The following MTA3 variants were observed in gnomAD, a reference collection of about 807,000 sequenced individuals.
The protein encoded by MTA3 is metastasis associated 1 family member 3.
In MTA3, 34 loss-of-function variants were observed where a neutral mutation model predicts 83.5. That is an observed-to-expected ratio of 0.41 (90% confidence interval 0.31 to 0.54). The LOEUF (loss-of-function observed/expected upper bound fraction) is 0.54, where lower values mean the gene tolerates loss of function less well. Among genes scored for constraint, MTA3 ranks in the 20% least tolerant of loss-of-function variants. The pLI is 0.33. For missense variants in MTA3, 761 were observed against 726.4 expected (o/e 1.05, Z -0.55); for synonymous variants, 303 against 252.7 (o/e 1.20, Z -1.89).
intron 15 of MTA3, among the ~76,000 whole-genome samples, chr2:42,721,591 AG>A (rs2104539794): frequency 6.6e-6 from 1 of 152,294 alleles, no homozygotes; most frequent in Non-Finnish European, 1.5e-5. Flanking sequence ...GGCCTCCCAA[AG>A]TACTGGGATT....
chr2:42,719,273 T>C, intron 15 of MTA3, among the ~76,000 whole-genome samples, 199 bp downstream of exon 15: 1 of 152,224 alleles, frequency 6.6e-6, no homozygotes. Context: ...CACACACAGA[T>C]TTATGATATA....
At chr2:42,580,097 C>T (rs1006917473) in intron 3 of MTA3, among the ~76,000 whole-genome samples, 34 of 151,994 alleles carry the variant, frequency 2.2e-4, no homozygotes, top group Non-Finnish European at 8.8e-5. Flanking sequence ...GTGTGCACCA[C>T]GACACCAGGC....
chr2:42,739,445 TAA>T (rs60704945), intron 16 of MTA3, among the ~76,000 whole-genome samples: 7 of 138,520 alleles, frequency 5.1e-5, no homozygotes, highest in Non-Finnish European at 3.2e-5. Flanking sequence ...ACTTTATTGC[TAA>T]AAAAAAAAAA....
chr2:42,626,628 T>G (rs781395185), intron 4 of MTA3, among the ~76,000 whole-genome samples: 1 of 152,156 alleles, frequency 6.6e-6, no homozygotes, highest in Non-Finnish European at 1.5e-5. Context: ...TGACTTTGTC[T>G]TCAGGCAGTT....
At position 42,722,895 on chromosome 2, in the gene MTA3, A is replaced by G. The variant is rs1290625227; in HGVS notation, c.1619A>G (p.His540Arg). 1.9e-6 allele frequency: 3 copies of G among 1,550,920 alleles called. No homozygotes were observed. Among genetic ancestry groups the G allele is most frequent in the Non-Finnish European group, 2.6e-6 (3 of 1,147,022 alleles). Residue 540 changes from histidine to arginine, a missense_variant, in exon 16 of 17, where the codon CAT (histidine) becomes CGT (arginine). Transcript: ENST00000405094. The stretch of plus-strand genomic sequence containing the variant: ...ACCTTTTTTCCCCCATCAGAGATCC[A>G]TCCTGCAAAGAAACCTAATGTAATT... ...LACIIGYLEIHPAKKPNVIRS... is the reference protein window; with the variant it reads ...LACIIGYLEIRPAKKPNVIRS...
chr2:42,502,794 T>G (rs1325304600), intron 2 of MTA3, among the ~76,000 whole-genome samples: 1 of 29,062 alleles, frequency 3.4e-5, no homozygotes, highest in Non-Finnish European at 6.4e-5. Flanking sequence ...CAAAACTCTG[T>G]CTCAAAAAAA....
intron 2 of MTA3, among the ~76,000 whole-genome samples, chr2:42,522,566 C>T (rs745452962): frequency 6.6e-5 from 10 of 152,016 alleles, no homozygotes; most frequent in South Asian, 2.1e-4. Context: ...GAGGCTAAAA[C>T]GGGAGAATTG....
rs550159589 is a variant in MTA3 at position 42,505,129 on chromosome 2, C to T, written c.-141+9875C>T. 1.4e-3 allele frequency among the ~76,000 whole-genome samples: 211 copies of T among 152,270 alleles called. 2 individuals carry two copies. The highest frequency in any genetic ancestry group is 4.8e-3 in the African/African-American group (199 of 41,562). ...TGAGATGGGGTGGGACGTGGTGACTCATGACTGTAATCCCATCACTTTGGG... is the reference window on the plus strand; with the variant it reads ...TGAGATGGGGTGGGACGTGGTGACTTATGACTGTAATCCCATCACTTTGGG... On this transcript the variant is annotated intron_variant, in intron 2 of 17. Coordinates refer to the MTA3 transcript ENST00000405592.
chr2:42,581,473 A>T (rs573321672), intron 3 of MTA3, among the ~76,000 whole-genome samples: 1 of 151,060 alleles, frequency 6.6e-6, no homozygotes, highest in South Asian at 2.1e-4. Context: ...CCTTGGCTCA[A>T]AGGATCTTCC....
At chr2:42,571,549 A>T (rs761922096) in intron 2 of MTA3, among the ~76,000 whole-genome samples, 5 of 152,166 alleles carry the variant, frequency 3.3e-5, no homozygotes, top group Non-Finnish European at 7.4e-5. Flanking sequence ...TGTAACTCAG[A>T]CCCTTTTTAT....
At chr2:42,633,601 C>G (rs534140835) in intron 4 of MTA3, among the ~76,000 whole-genome samples, 1 of 148,966 alleles carries the variant, frequency 6.7e-6, no homozygotes, top group South Asian at 2.2e-4. Flanking sequence ...CATTAAAAAT[C>G]ATATTCTTGG....
At chr2:42,729,013 C>G (rs1458795424) in intron 16 of MTA3, among the ~76,000 whole-genome samples, 3 of 148,076 alleles carry the variant, frequency 2.0e-5, no homozygotes, top group Non-Finnish European at 4.5e-5. Flanking sequence ...GGATATTACT[C>G]AAGAAATATT....
intron 2 of MTA3, among the ~76,000 whole-genome samples, chr2:42,541,176 C>T (rs1676503208): frequency 6.6e-6 from 1 of 152,016 alleles, no homozygotes; most frequent in Admixed American, 6.6e-5. Context: ...GGATTACAGG[C>T]ATGCACCACC....
At chr2:42,627,314 G>A (rs1023604885) in intron 4 of MTA3, among the ~76,000 whole-genome samples, 9 of 152,132 alleles carry the variant, frequency 5.9e-5, no homozygotes, top group Non-Finnish European at 1.0e-4. Flanking sequence ...CTGGCCTCAA[G>A]TGATCCTTCT....
chr2:42,662,631 T>G (rs1013205686), intron 8 of MTA3, among the ~76,000 whole-genome samples: 2 of 152,194 alleles, frequency 1.3e-5, no homozygotes, highest in African/African-American at 4.8e-5. Context: ...GCACCACATT[T>G]TAGTACATTT....
At chr2:42,590,762 A>G (rs1407121161) in intron 3 of MTA3, among the ~76,000 whole-genome samples, 2 of 152,122 alleles carry the variant, frequency 1.3e-5, no homozygotes, top group East Asian at 3.9e-4. Context: ...CTGGGACTAC[A>G]GGTGTGCACC....
At chr2:42,514,258 C>T (rs1298041284) in intron 2 of MTA3, among the ~76,000 whole-genome samples, 2 of 152,164 alleles carry the variant, frequency 1.3e-5, no homozygotes, top group Non-Finnish European at 2.9e-5. Flanking sequence ...AATATGAAAA[C>T]TGGTCAAATA....
At chr2:42,549,417 TTATATAA>T (rs1186401461) in intron 2 of MTA3, among the ~76,000 whole-genome samples, 6 of 114,696 alleles carry the variant, frequency 5.2e-5, no homozygotes, top group East Asian at 2.3e-4. Flanking sequence ...ATAATATATA[TTATATAA>T]TATATAATAT....
At chr2:42,543,115 G>A (rs775224253) in intron 2 of MTA3, among the ~76,000 whole-genome samples, 4 of 152,088 alleles carry the variant, frequency 2.6e-5, no homozygotes, top group Non-Finnish European at 5.9e-5. Flanking sequence ...TTCTCTGTGG[G>A]AGTCTTTAAA....
Sources: gnomAD v4.1 joint callset for allele counts (sites outside exome capture counted in the v4.1 genomes callset) on GRCh38, gnomAD v4.1.1 for gene constraint, MANE v1.5 for transcripts, NCBI Gene and HGNC (gene_info 2026-07-23, HGNC 2026-07-21) for gene names.